The following SHPRH variants were observed in gnomAD, a reference collection of about 807,000 sequenced individuals.
The protein encoded by SHPRH is E3 ubiquitin-protein ligase SHPRH.
A neutral mutation model predicts 202.5 loss-of-function variants in SHPRH; 106 were observed. The ratio of observed to expected loss-of-function variants is 0.52; its 90% CI spans 0.45 to 0.62. The LOEUF is 0.62. Ranked by LOEUF, SHPRH falls within the 20% of genes least tolerant of loss-of-function variation. The probability of loss-of-function intolerance (pLI) is 0.00; values close to 1 mark genes in which losing one functional copy is unlikely to be tolerated. For synonymous variants in SHPRH, 729 were observed against 686.0 expected (o/e 1.06, Z -0.98); for missense variants, 1,710 against 2,020.0 (o/e 0.85, Z 2.94).
At chr6:145,895,300 A>G (rs1182106728) in intron 25 of SHPRH, among the ~76,000 whole-genome samples, 1 of 152,090 alleles carries the variant, frequency 6.6e-6, no homozygotes, top group Non-Finnish European at 1.5e-5. Context: ...ACATTAGATT[A>G]GCAGAAATGA....
At chr6:145,949,561 GTA>G (rs1787761003) in intron 4 of SHPRH, among the ~76,000 whole-genome samples, 2 of 152,018 alleles carry the variant, frequency 1.3e-5, no homozygotes, top group Non-Finnish European at 2.9e-5. Context: ...ATACAGAATA[GTA>G]TAACGGATAC....
At chr6:145,938,790 T>G (rs991586210) in intron 11 of SHPRH, among the ~76,000 whole-genome samples, 1 of 152,228 alleles carries the variant, frequency 6.6e-6, no homozygotes, top group Non-Finnish European at 1.5e-5. Context: ...GTTTTTATAT[T>G]CCCCAAAGCC....
intron 7 of SHPRH, 37 bp from the exon 8 acceptor site, chr6:145,945,674 A>G (rs1246491299): frequency 2.0e-6 from 3 of 1,537,830 alleles, no homozygotes; most frequent in Non-Finnish European, 2.6e-6. Context: ...AGTCAAAATA[A>G]TTAAAATGAA....
chr6:145,867,623 T>TAGAGAGAG (rs1562268495), intron 2 of SHPRH, among the ~76,000 whole-genome samples: 11 of 68,430 alleles, frequency 1.6e-4, no homozygotes, highest in East Asian at 4.7e-4. Context: ...TATATATATA[T>TAGAGAGAG]ATATATATAG....
At chr6:145,925,419 T>A (rs960037627) in intron 16 of SHPRH, among the ~76,000 whole-genome samples, 7 of 151,612 alleles carry the variant, frequency 4.6e-5, no homozygotes, top group Non-Finnish European at 1.0e-4. Context: ...GATTTAGCTA[T>A]TCTAGTGTCT....
At chr6:145,882,000 G>A (rs1780611753), downstream of SHPRH, among the ~76,000 whole-genome samples, 1 of 151,740 alleles carries the variant, frequency 6.6e-6, no homozygotes, top group South Asian at 2.1e-4. Flanking sequence ...GGAGGTTGAG[G>A]TGAGGAGATC....
At chr6:145,909,875 C>A (rs1336924797) in intron 25 of SHPRH, 1 of 152,046 alleles carries the variant, frequency 6.6e-6, no homozygotes, top group African/African-American at 2.4e-5. Context: ...CAGATCCAGT[C>A]TGGATATCAC....
chr6:145,943,933 C>T, intron 8 of SHPRH, 131 bp from the exon 9 acceptor site: 1 of 865,592 alleles, frequency 1.2e-6, no homozygotes. Context: ...TGAGGAGAAT[C>T]ACTCCTGATA....
chr6:145,937,740 G>A (rs899007143), intron 11 of SHPRH, among the ~76,000 whole-genome samples: 1 of 152,022 alleles, frequency 6.6e-6, no homozygotes, highest in African/African-American at 2.4e-5. Flanking sequence ...TTCTAGCCAC[G>A]CTATTTCTGC....
Position 145,886,288 on chromosome 6 carries a change from C to A in SHPRH, c.*403G>T. ...TCATGTGCTAAAGATACTGAAGGCC[C>A]TTCCAAAACTGAGATCTATGTTTGT... On this transcript the variant is annotated 3_prime_UTR_variant, in exon 30 of 30. Coordinates refer to ENST00000275233, the MANE Select transcript of SHPRH (RefSeq NM_001042683.3). 1.9e-6 allele frequency: 1 copy of A among 524,848 alleles called. No individual in the cohort carries two copies. Among genetic ancestry groups the A allele is most frequent in the Non-Finnish European group, 3.5e-6 (1 of 282,272 alleles). The allele number at this position is 524,848 out of a possible 1,614,324, so 32.5% of individuals were successfully genotyped here. A position where few individuals can be genotyped will look rare whatever the true frequency, so the allele number is the denominator to read the frequency against.
In SHPRH at chr6:145,913,566, T is replaced by TA; in HGVS notation, c.4255-18dup. ...ATCTTGAGACTATCCAAAAAAGAATTAAAAAATATATTAGTTACGTTTTTA... is the reference window on the plus strand; with the variant it reads ...ATCTTGAGACTATCCAAAAAAGAATTAAAAAAATATATTAGTTACGTTTTTA... On this transcript the variant is annotated splice_polypyrimidine_tract_variant and intron_variant, in intron 23 of 29. Transcript: ENST00000275233. The TA allele has an allele frequency of 6.3e-7, 1 of 1,592,140 alleles. No homozygotes were observed. Among genetic ancestry groups the TA allele is most frequent in the Non-Finnish European group, 8.6e-7 (1 of 1,169,108 alleles).
At chr6:145,935,212 T>C (rs1562342277) in intron 12 of SHPRH, 49 bp from the exon 13 acceptor site, 1 of 1,598,956 alleles carries the variant, frequency 6.3e-7, no homozygotes. Context: ...TAAAAATTTA[T>C]CTTTCCATCC....
downstream of SHPRH, among the ~76,000 whole-genome samples, chr6:145,882,466 C>T (rs1256829993): frequency 2.0e-5 from 3 of 152,204 alleles, no homozygotes; most frequent in Non-Finnish European, 4.4e-5. Flanking sequence ...ACATTCCACA[C>T]TGATGCTTTC....
downstream of SHPRH, among the ~76,000 whole-genome samples, chr6:145,880,471 C>T (rs1267230432): frequency 1.3e-5 from 2 of 151,718 alleles, no homozygotes; most frequent in Non-Finnish European, 2.9e-5. Context: ...TCTACAAAAA[C>T]TACAAAAATC....
intron 1 of SHPRH, among the ~76,000 whole-genome samples, chr6:145,958,820 T>C (rs564088679): frequency 3.9e-5 from 6 of 152,064 alleles, no homozygotes; most frequent in Admixed American, 6.5e-5. Context: ...CATTGTAACA[T>C]CATAATGCAT....
intron 3 of SHPRH, chr6:145,951,901 A>G (rs1031230941): frequency 2.2e-6 from 1 of 455,916 alleles, no homozygotes; most frequent in Non-Finnish European, 4.4e-6. Context: ...CTGAATCTGC[A>G]GTCCTGACCA....
At chr6:145,869,242 A>G (rs957956533) in intron 2 of SHPRH, among the ~76,000 whole-genome samples, 5 of 152,182 alleles carry the variant, frequency 3.3e-5, no homozygotes, top group Non-Finnish European at 5.9e-5. Flanking sequence ...TATTTGGATA[A>G]CAGTTCCTTA....
At chr6:145,861,214 T>A (rs1280378159), downstream of SHPRH, among the ~76,000 whole-genome samples, 7 of 152,114 alleles carry the variant, frequency 4.6e-5, no homozygotes, top group African/African-American at 1.7e-4. Context: ...GGGGAAAATG[T>A]TTGTAGACTT....
chr6:145,863,461 A>T (rs1779647973), downstream of SHPRH, among the ~76,000 whole-genome samples: 1 of 152,252 alleles, frequency 6.6e-6, no homozygotes, highest in Admixed American at 6.5e-5. Context: ...CCTTCAACAA[A>T]CAACTATTTT....
Sources: allele counts gnomAD v4.1 joint callset (sites outside exome capture counted in the v4.1 genomes callset), GRCh38; gene constraint gnomAD v4.1.1; transcripts MANE v1.5; gene names NCBI Gene and HGNC (gene_info 2026-07-23, HGNC 2026-07-21).